Variants in USH2A observed in about 807,000 individuals in gnomAD.
USH2A encodes usherin.
A neutral mutation model predicts 538.9 loss-of-function variants in USH2A; 443 were observed. The ratio of observed to expected loss-of-function variants is 0.82; its 90% CI spans 0.76 to 0.89. The LOEUF (loss-of-function observed/expected upper bound fraction) is 0.89, where lower values mean the gene tolerates loss of function less well. USH2A is among the 40% of genes least tolerant of loss of function. The pLI is 0.00. For missense variants in USH2A, 6,633 were observed against 6,324.8 expected, an observed-to-expected ratio of 1.05 and a Z score of -1.65; for synonymous variants, 2,413 against 2,273.5, an observed-to-expected ratio of 1.06 and a Z score of -1.75.
At chr1:216,340,881 CA>C (rs1473564307) in intron 4 of USH2A, among the ~76,000 whole-genome samples, 3 of 152,026 alleles carry the variant, frequency 2.0e-5, no homozygotes, top group Admixed American at 6.6e-5. Context: ...AACCCACAGC[CA>C]ATATTATACT....
chr1:216,379,025 C>T (rs17026635), intron 3 of USH2A, among the ~76,000 whole-genome samples: 17,068 of 152,110 alleles, frequency 0.11, 2,829 homozygotes, highest in African/African-American at 0.36. Context: ...CCACTACATC[C>T]TAGTCCCATT....
At chr1:216,200,993 C>CTCCCTCCCTCCT (rs2034980124) in intron 16 of USH2A, among the ~76,000 whole-genome samples, 1 of 92,168 alleles carries the variant, frequency 1.1e-5, no homozygotes, top group South Asian at 4.8e-4. Context: ...CCCTCCCTCC[C>CTCCCTCCCTCCT]TCCCTCCCTC....
At chr1:216,360,129 T>C (rs1052703362) in intron 4 of USH2A, among the ~76,000 whole-genome samples, 3 of 152,112 alleles carry the variant, frequency 2.0e-5, no homozygotes, top group Non-Finnish European at 4.4e-5. Context: ...GCAACTTTAC[T>C]CATAATTGCC....
chr1:216,218,145 CTTAG>C (rs1370152330), intron 14 of USH2A, among the ~76,000 whole-genome samples: 2 of 148,398 alleles, frequency 1.3e-5, no homozygotes, highest in Non-Finnish European at 2.9e-5. Context: ...ATGAACTAAA[CTTAG>C]TTATCCATAA....
intron 4 of USH2A, among the ~76,000 whole-genome samples, chr1:216,364,518 T>C (rs1305948734): frequency 6.6e-6 from 1 of 152,184 alleles, no homozygotes; most frequent in Non-Finnish European, 1.5e-5. Flanking sequence ...GTTAAGGAAC[T>C]CAGGGTGAGA....
chr1:216,175,231 A>G, intron 21 of USH2A, 21 bp downstream of exon 21: 1 of 1,613,460 alleles, frequency 6.2e-7, no homozygotes, highest in Non-Finnish European at 8.5e-7. Flanking sequence ...TCCTAAATAA[A>G]GCAATGTCAA....
At chr1:216,017,219 TTC>T (rs1558214007) in intron 32 of USH2A, among the ~76,000 whole-genome samples, 1 of 151,050 alleles carries the variant, frequency 6.6e-6, no homozygotes, top group Admixed American at 6.6e-5. Context: ...CTTGCTATGG[TTC>T]TCTGTCTCCA....
intron 70 of USH2A, among the ~76,000 whole-genome samples, chr1:215,630,511 T>C (rs1208804774): frequency 7.7e-6 from 1 of 129,180 alleles, no homozygotes; most frequent in Non-Finnish European, 1.6e-5. Context: ...TATATATATA[T>C]ATATATATAT....
rs1468674610 is a variant in USH2A at position 215,799,098 on chromosome 1, T to A, written c.9767A>T (p.His3256Leu). ...PGEVCCPDEQ[H>L]NRVSVGIGDS... is the part of the protein sequence containing the mutation. ...ACCAATGCCAACAGAAACCCGATTG[T>A]GCTGTTCATCTGGACAGCATACTTC... is the stretch of plus-strand genomic sequence containing the variant. Residue 3256 changes from histidine (H) to leucine (L), a missense_variant, in exon 50 of 72, where the codon CAC becomes CTC. Transcript: ENST00000307340. 3.1e-6 allele frequency: 5 copies of A among 1,613,912 alleles called. No homozygotes were observed. The highest frequency in any genetic ancestry group is 4.2e-6 in the Non-Finnish European group (5 of 1,179,982).
chr1:216,290,767 T>C (rs1220754296), intron 10 of USH2A, among the ~76,000 whole-genome samples: 3 of 151,970 alleles, frequency 2.0e-5, no homozygotes, highest in Non-Finnish European at 4.4e-5. Context: ...GAACTTGCCA[T>C]CTCCTCCCTC....
At position 216,078,179 on chromosome 1, in the gene USH2A, C is replaced by G. The variant is rs757038905; in HGVS notation, c.5482G>C (p.Asp1828His). 5 of 1,613,596 alleles carry G rather than the reference C, an allele frequency of 3.1e-6. No individual in the cohort carries two copies. The highest frequency in any genetic ancestry group is 3.4e-6 in the Non-Finnish European group (4 of 1,179,778). ...GGTGAATTCACCACCAGTGGCTGGT[C>G]TCCGGACTCCGATGCATGCTTCATC... The part of the protein sequence containing the change: ...GLMKHASESG[D>H]QPLVVNSPVY... The change falls in exon 27 of 72, where the codon GAC (aspartate) becomes CAC (histidine). Residue 1828 changes from aspartate (D) to histidine (H), a missense_variant. Asp to His is a moderately conservative substitution (Grantham distance 81). Transcript: ENST00000307340.
At chr1:216,210,527 G>A (rs1558319561) in intron 15 of USH2A, among the ~76,000 whole-genome samples, 1 of 152,196 alleles carries the variant, frequency 6.6e-6, no homozygotes, top group East Asian at 1.9e-4. Context: ...ACAAGAAGCA[G>A]GGACCCCTCT....
At chr1:216,143,631 G>A (rs1019679235) in intron 21 of USH2A, among the ~76,000 whole-genome samples, 1 of 152,084 alleles carries the variant, frequency 6.6e-6, no homozygotes, top group Non-Finnish European at 1.5e-5. Flanking sequence ...TAAAATGAAA[G>A]GGAAGTTTTA....
intron 9 of USH2A, among the ~76,000 whole-genome samples, chr1:216,298,833 T>C (rs1414823841): frequency 7.9e-6 from 1 of 126,068 alleles, no homozygotes. Flanking sequence ...ACTGAGAATT[T>C]AGGAGAATAC....
intron 35 of USH2A, among the ~76,000 whole-genome samples, chr1:215,988,837 C>A (rs1276394509): frequency 2.0e-5 from 3 of 152,186 alleles, no homozygotes; most frequent in East Asian, 3.8e-4. Flanking sequence ...AACTAGCAAG[C>A]TTTCCAGCAC....
intron 11 of USH2A, among the ~76,000 whole-genome samples, chr1:216,261,942 C>T (rs1268719006): frequency 6.6e-6 from 1 of 152,118 alleles, no homozygotes; most frequent in Non-Finnish European, 1.5e-5. Context: ...GTCAGTGAAG[C>T]ATTCACAAAC....
At chr1:216,361,332 C>T (rs895472406) in intron 4 of USH2A, among the ~76,000 whole-genome samples, 2 of 151,950 alleles carry the variant, frequency 1.3e-5, no homozygotes, top group African/African-American at 2.4e-5. Context: ...AGGATATCTT[C>T]GTGATATCAG....
chr1:215,640,355 T>C (rs1656633713), intron 68 of USH2A, among the ~76,000 whole-genome samples: 1 of 152,114 alleles, frequency 6.6e-6, no homozygotes, highest in Non-Finnish European at 1.5e-5. Flanking sequence ...TGAACTGCAT[T>C]ATAACTGCAG....
intron 51 of USH2A, 37 bp downstream of exon 51, chr1:215,790,022 T>G: frequency 6.3e-7 from 1 of 1,591,946 alleles, no homozygotes; most frequent in Non-Finnish European, 8.6e-7. Flanking sequence ...CTTTCCATTG[T>G]CAAATCAGCG....
Sources: gnomAD v4.1 joint callset for allele counts (sites outside exome capture counted in the v4.1 genomes callset) on GRCh38, gnomAD v4.1.1 for gene constraint, MANE v1.5 for transcripts, NCBI Gene and HGNC (gene_info 2026-07-23, HGNC 2026-07-21) for gene names.